Variants in MGAT5 observed in about 807,000 individuals in gnomAD.
MGAT5 encodes alpha-1,6-mannosylglycoprotein 6-beta-N-acetylglucosaminyltransferase A.
A neutral mutation model predicts 94.3 loss-of-function variants in MGAT5; 30 were observed. That is an observed-to-expected ratio of 0.32 (90% CI 0.24 to 0.43). The LOEUF is 0.43. Ranked by LOEUF, MGAT5 falls within the 20% of genes least tolerant of loss-of-function variation. The pLI is 1.00. For missense variants in MGAT5, 691 were observed against 905.5 expected (o/e 0.76, Z 3.04); for synonymous variants, 310 against 322.9 (o/e 0.96, Z 0.43).
intron 11 of MGAT5, among the ~76,000 whole-genome samples, chr2:134,404,096 T>G (rs1301362878): frequency 6.6e-6 from 1 of 152,258 alleles, no homozygotes; most frequent in African/African-American, 2.4e-5. Context: ...TAAGTTTTTA[T>G]GAATTTCACA....
At chr2:134,214,773 T>G (rs59351125) in intron 1 of MGAT5, among the ~76,000 whole-genome samples, 26,657 of 152,096 alleles carry the variant, frequency 0.18, 3,040 homozygotes, top group African/African-American at 0.32. Context: ...ACATTTTAAG[T>G]CATTGAGGTA....
intron 1 of MGAT5, among the ~76,000 whole-genome samples, chr2:134,256,475 A>G (rs1682969569): frequency 1.3e-5 from 2 of 152,214 alleles, no homozygotes; most frequent in African/African-American, 2.4e-5. Context: ...AAGAAGCCCC[A>G]CAAATAGCAA....
intron 4 of MGAT5, among the ~76,000 whole-genome samples, chr2:134,328,088 A>G (rs75011794): frequency 2.0e-4 from 31 of 152,214 alleles, no homozygotes; most frequent in African/African-American, 7.5e-4. Context: ...CTTCTCATGT[A>G]TAAGGGAAAA....
At chr2:134,327,869 A>G (rs1031302950) in intron 4 of MGAT5, among the ~76,000 whole-genome samples, 2 of 152,146 alleles carry the variant, frequency 1.3e-5, no homozygotes, top group Admixed American at 6.6e-5. Flanking sequence ...CACATTAAAC[A>G]CAAAAAAAGA....
intron 9 of MGAT5, among the ~76,000 whole-genome samples, chr2:134,360,661 C>T (rs577558551): frequency 2.8e-4 from 42 of 152,288 alleles, no homozygotes; most frequent in African/African-American, 9.6e-4. Flanking sequence ...ACTGAGAATG[C>T]ACACAGGTTT....
At chr2:134,438,053 A>G (rs1256263500) in intron 14 of MGAT5, among the ~76,000 whole-genome samples, 2 of 151,660 alleles carry the variant, frequency 1.3e-5, no homozygotes, top group African/African-American at 4.9e-5. Flanking sequence ...GAGTATCCCT[A>G]ATCTGAAAAT....
At chr2:134,418,564 C>T (rs992520803) in intron 12 of MGAT5, among the ~76,000 whole-genome samples, 2 of 152,134 alleles carry the variant, frequency 1.3e-5, no homozygotes, top group Non-Finnish European at 2.9e-5. Context: ...TTCCTGTTTT[C>T]CAGGAGCTCC....
At chr2:134,283,825 G>A (rs1372194227) in intron 2 of MGAT5, among the ~76,000 whole-genome samples, 3 of 151,572 alleles carry the variant, frequency 2.0e-5, no homozygotes, top group South Asian at 2.1e-4. Context: ...AGCTTCCCCC[G>A]GCCGCTGGGT....
chr2:134,181,815 C>G (rs1363600287), intron 1 of MGAT5, among the ~76,000 whole-genome samples: 1 of 152,230 alleles, frequency 6.6e-6, no homozygotes, highest in Non-Finnish European at 1.5e-5. Context: ...CAGCTCCACA[C>G]TTCGCCTTGA....
intron 10 of MGAT5, among the ~76,000 whole-genome samples, chr2:134,374,281 C>T (rs886566577): frequency 2.6e-5 from 4 of 152,108 alleles, no homozygotes; most frequent in African/African-American, 9.7e-5. Flanking sequence ...TGGGGGCTTA[C>T]CATGCCAGTT....
chr2:134,217,726 T>A (rs1680569827), intron 1 of MGAT5, among the ~76,000 whole-genome samples: 1 of 152,218 alleles, frequency 6.6e-6, no homozygotes, highest in African/African-American at 2.4e-5. Context: ...GATTTCTGAC[T>A]TACAGTTAGA....
At chr2:134,192,119 G>C (rs1679252861) in intron 1 of MGAT5, among the ~76,000 whole-genome samples, 1 of 150,568 alleles carries the variant, frequency 6.6e-6, no homozygotes, top group African/African-American at 2.4e-5. Flanking sequence ...CGCGCGAGCG[G>C]GTTCCTGATG....
chr2:134,208,991 C>A (rs62165726), intron 1 of MGAT5, among the ~76,000 whole-genome samples: 4,433 of 152,276 alleles, frequency 0.029, 81 homozygotes, highest in Middle Eastern at 0.048. Context: ...TGTTCTGTTA[C>A]ATCAGCATGA....
At chr2:134,345,859 T>C (rs1558810748) in intron 8 of MGAT5, among the ~76,000 whole-genome samples, 1 of 152,168 alleles carries the variant, frequency 6.6e-6, no homozygotes, top group African/African-American at 2.4e-5. Flanking sequence ...GTAAAATATT[T>C]CCTAAAGGTT....
At chr2:134,192,860 A>G (rs1424990546) in intron 1 of MGAT5, among the ~76,000 whole-genome samples, 1 of 152,120 alleles carries the variant, frequency 6.6e-6, no homozygotes, top group East Asian at 1.9e-4. Flanking sequence ...AAGCATAAAT[A>G]TAAGTGTATT....
At position 134,291,207 on chromosome 2, in the gene MGAT5, G is replaced by A. The variant is rs553209779; in HGVS notation, c.406+20657G>A. On this transcript the variant is annotated intron_variant, in intron 2 of 15. Transcript: ENST00000281923. Reference sequence around the variant, plus strand: ...ATATGTTGAGATCCTAACCCCCAAGGCGATGGTGTTAAATGGTCTGGGGCC... The same window carrying A: ...ATATGTTGAGATCCTAACCCCCAAGACGATGGTGTTAAATGGTCTGGGGCC... Among the ~76,000 whole-genome samples, 11 of 152,258 alleles carry A rather than the reference G, an allele frequency of 7.2e-5. No individual in the cohort carries two copies. The East Asian group carries it at 2.1e-3, about 29-fold the overall frequency.
upstream of MGAT5, among the ~76,000 whole-genome samples, chr2:134,253,516 T>A (rs1558733657): frequency 1.3e-5 from 2 of 152,240 alleles, no homozygotes; most frequent in Admixed American, 1.3e-4. Context: ...TTTTGCCTCA[T>A]GGTGGGAGTG....
At chr2:134,374,421 G>A (rs949387552) in intron 10 of MGAT5, among the ~76,000 whole-genome samples, 2 of 152,150 alleles carry the variant, frequency 1.3e-5, no homozygotes, top group African/African-American at 4.8e-5. Context: ...TGTTGATGGA[G>A]TTTTATATAA....
chr2:134,307,903 G>T (rs1472004663), intron 2 of MGAT5, among the ~76,000 whole-genome samples: 2 of 152,114 alleles, frequency 1.3e-5, no homozygotes, highest in Non-Finnish European at 2.9e-5. Flanking sequence ...AAAAAAGGGG[G>T]TAGCAGAACC....
Sources: gnomAD v4.1 joint callset for allele counts (sites outside exome capture counted in the v4.1 genomes callset) on GRCh38, gnomAD v4.1.1 for gene constraint, MANE v1.5 for transcripts, NCBI Gene and HGNC (gene_info 2026-07-23, HGNC 2026-07-21) for gene names.